Variants in EPHB2 observed in about 807,000 individuals in gnomAD.
The protein encoded by EPHB2 is EPH receptor B2, also known as ephrin type-B receptor 2.
In EPHB2, 18 loss-of-function variants were observed where a neutral mutation model predicts 96.4. The ratio of observed to expected loss-of-function variants is 0.19; its 90% CI spans 0.13 to 0.28. The LOEUF (loss-of-function observed/expected upper bound fraction) is 0.28, where lower values mean the gene tolerates loss of function less well. Among genes scored for constraint, EPHB2 ranks in the 10% least tolerant of loss-of-function variants. The pLI is 1.00. For missense variants in EPHB2, 989 were observed against 1,355.4 expected (o/e 0.73, Z 4.25); for synonymous variants, 506 against 534.1 (o/e 0.95, Z 0.72).
At chr1:22,903,535 C>A (rs1414427068) in intron 9 of EPHB2, among the ~76,000 whole-genome samples, 2 of 152,244 alleles carry the variant, frequency 1.3e-5, no homozygotes, top group African/African-American at 4.8e-5. Flanking sequence ...GTCTAACAGA[C>A]CTGGCTTCAA....
At chr1:22,812,785 G>A (rs1264400626) in intron 3 of EPHB2, among the ~76,000 whole-genome samples, 9 of 152,234 alleles carry the variant, frequency 5.9e-5, no homozygotes, top group Non-Finnish European at 1.0e-4. Flanking sequence ...GCTGTTCATC[G>A]TGGGTGGGAG....
chr1:22,892,229 A>G (rs1290130184), intron 6 of EPHB2, among the ~76,000 whole-genome samples: 1 of 152,326 alleles, frequency 6.6e-6, no homozygotes, highest in Admixed American at 6.5e-5. Context: ...TCATCAAGGC[A>G]TAGGGCAGGG....
intron 1 of EPHB2, among the ~76,000 whole-genome samples, chr1:22,711,878 G>T (rs1406827603): frequency 1.3e-5 from 2 of 152,346 alleles, no homozygotes; most frequent in South Asian, 2.1e-4. Flanking sequence ...CGACCCCCAG[G>T]GGGGCAAGGG....
intron 1 of EPHB2, among the ~76,000 whole-genome samples, chr1:22,738,437 A>G (rs938922949): frequency 1.3e-5 from 2 of 152,236 alleles, no homozygotes; most frequent in African/African-American, 4.8e-5. Flanking sequence ...TACTGTACCC[A>G]TAGGAGCTTC....
intron 1 of EPHB2, among the ~76,000 whole-genome samples, chr1:22,776,967 A>G (rs1358352499): frequency 6.6e-6 from 1 of 152,168 alleles, no homozygotes; most frequent in Admixed American, 6.5e-5. Context: ...GAGCTTTGGG[A>G]GATGATAGCA....
intron 3 of EPHB2, among the ~76,000 whole-genome samples, chr1:22,859,911 C>T (rs566899029): frequency 6.6e-6 from 1 of 152,272 alleles, no homozygotes; most frequent in African/African-American, 2.4e-5. Flanking sequence ...CCCTGTTCCC[C>T]ATTAGCACCT....
rs1330210444 is a variant in EPHB2, at chr1:22,858,253, C to T, written c.812-4784C>T. On this transcript the variant is annotated intron_variant, in intron 3 of 15. Coordinates refer to ENST00000374630, the MANE Select transcript of EPHB2 (RefSeq NM_017449.5). The surrounding 1 kb of genome is among the most constrained non-coding windows in gnomAD (Gnocchi z 7.7). ...GGAGGAGGGGGAAGCGTCCAGGAGA[C>T]CATCAGGACCAACCTCACAGGCCTT... is the stretch of plus-strand genomic sequence containing the variant. 6.6e-6 allele frequency among the ~76,000 whole-genome samples: 1 copy of T among 152,082 alleles called. No individual in the cohort carries two copies. Among genetic ancestry groups the T allele is most frequent in the Non-Finnish European group, 1.5e-5 (1 of 68,006 alleles).
chr1:22,742,718 G>C (rs1643919073), intron 1 of EPHB2, among the ~76,000 whole-genome samples: 1 of 151,470 alleles, frequency 6.6e-6, no homozygotes, highest in Non-Finnish European at 1.5e-5. Context: ...GCCCAGGCTG[G>C]TCTCAAACTC....
In EPHB2 at chr1:22,784,004, T is replaced by C. The variant is rs1449636005; in HGVS notation, c.127-388T>C. Among the ~76,000 whole-genome samples the C allele has an allele frequency of 2.0e-5, 3 of 152,148 alleles. No homozygotes were observed. The highest frequency in any genetic ancestry group is 4.8e-5 in the African/African-American group (2 of 41,438). Reference sequence around the variant, plus strand: ...GGGAGCTCCCCGAGGGCAGAGGTCCTGTCTCCTCCATCAGACTGGTAGCCC... The same window carrying C: ...GGGAGCTCCCCGAGGGCAGAGGTCCCGTCTCCTCCATCAGACTGGTAGCCC... On this transcript the variant is annotated intron_variant, in intron 2 of 15. Coordinates refer to ENST00000374630, the MANE Select transcript of EPHB2 (RefSeq NM_017449.5). This position sits in a 1 kb window ranked among gnomAD's most constrained non-coding sequence, Gnocchi z 5.1.
intron 1 of EPHB2, among the ~76,000 whole-genome samples, chr1:22,757,318 G>C (rs111811112): frequency 3.1e-4 from 47 of 152,202 alleles, no homozygotes; most frequent in African/African-American, 1.1e-3. Context: ...GGCACAGACA[G>C]GTTCCAGGGA....
At chr1:22,713,617 G>A (rs1331077349) in intron 1 of EPHB2, among the ~76,000 whole-genome samples, 2 of 152,146 alleles carry the variant, frequency 1.3e-5, no homozygotes, top group South Asian at 2.1e-4. Flanking sequence ...GAGACACCAG[G>A]GTCCTCCTGA....
At chr1:22,872,908 C>T (rs949390954) in intron 5 of EPHB2, among the ~76,000 whole-genome samples, 6 of 152,318 alleles carry the variant, frequency 3.9e-5, no homozygotes, top group African/African-American at 1.4e-4. Flanking sequence ...CCTGAGACCA[C>T]GAGGTTCGAG....
At chr1:22,759,359 A>T (rs1466196645) in intron 1 of EPHB2, among the ~76,000 whole-genome samples, 2 of 117,298 alleles carry the variant, frequency 1.7e-5, no homozygotes, top group Admixed American at 2.0e-4. Flanking sequence ...AGGTACTTCA[A>T]CAGGTACTTC....
At chr1:22,897,483 G>T (rs558616592) in intron 9 of EPHB2, among the ~76,000 whole-genome samples, 3 of 152,146 alleles carry the variant, frequency 2.0e-5, no homozygotes, top group Admixed American at 2.0e-4. Context: ...CTAGGTGCTG[G>T]GGATCCCAGC....
At chr1:22,755,437 A>T (rs1015876323) in intron 1 of EPHB2, among the ~76,000 whole-genome samples, 2 of 152,206 alleles carry the variant, frequency 1.3e-5, no homozygotes, top group African/African-American at 4.8e-5. Flanking sequence ...TGAGGTCTGA[A>T]GAAAGAAGCC....
chr1:22,857,880 A>C (rs1645725323), intron 3 of EPHB2, among the ~76,000 whole-genome samples: 1 of 152,176 alleles, frequency 6.6e-6, no homozygotes. Flanking sequence ...GAAACAATGA[A>C]AGCCAGACAG....
chr1:22,758,961 T>TGGAC (rs1256052144), intron 1 of EPHB2, among the ~76,000 whole-genome samples: 1 of 150,940 alleles, frequency 6.6e-6, no homozygotes, highest in Non-Finnish European at 1.5e-5. Context: ...GGATGATGGA[T>TGGAC]GGATGGATGG....
At chr1:22,845,300 G>GC (rs1179079758) in intron 3 of EPHB2, among the ~76,000 whole-genome samples, 9 of 152,184 alleles carry the variant, frequency 5.9e-5, no homozygotes, top group Non-Finnish European at 8.8e-5. Context: ...AACAGCATCT[G>GC]CCCCACGGTA....
At chr1:22,847,323 G>A (rs1421663716) in intron 3 of EPHB2, among the ~76,000 whole-genome samples, 1 of 152,220 alleles carries the variant, frequency 6.6e-6, no homozygotes, top group Non-Finnish European at 1.5e-5. Flanking sequence ...CCCTGTTGCA[G>A]AGCCTGTGCC....
Sources: gnomAD v4.1 joint callset for allele counts (sites outside exome capture counted in the v4.1 genomes callset) on GRCh38, gnomAD v4.1.1 for gene constraint, Gnocchi (gnomAD v3.1) non-coding constraint, MANE v1.5 for transcripts, NCBI Gene and HGNC (gene_info 2026-07-23, HGNC 2026-07-21) for gene names.